The following RB1 variants were observed in gnomAD, a reference collection of about 807,000 sequenced individuals.
RB1 encodes RB transcriptional corepressor 1.
Under a neutral mutation model 135.4 loss-of-function variants are expected in RB1, and 18 were observed. That is an observed-to-expected ratio of 0.13 (90% CI 0.09 to 0.20). The LOEUF is 0.20. RB1 is among the 10% of genes least tolerant of loss of function. The pLI, the probability that RB1 is intolerant of heterozygous loss-of-function variation, is 1.00. For synonymous variants in RB1, 365 were observed against 373.2 expected, an observed-to-expected ratio of 0.98 and a Z score of 0.25; for missense variants, 868 against 1,110.0, an observed-to-expected ratio of 0.78 and a Z score of 3.10.
intron 6 of RB1, among the ~76,000 whole-genome samples, chr13:48,351,252 T>A (rs941214300): frequency 3.3e-5 from 5 of 152,184 alleles, no homozygotes; most frequent in African/African-American, 7.2e-5. Context: ...TCTGTTATTT[T>A]TTGACTTTAT....
intron 2 of RB1, chr13:48,317,170 C>A: frequency 1.6e-6 from 1 of 636,612 alleles, no homozygotes. Flanking sequence ...AAGGACGGGC[C>A]CTGTGGAGGC....
intron 17 of RB1, among the ~76,000 whole-genome samples, chr13:48,385,578 C>G (rs1219280517): frequency 6.6e-6 from 1 of 152,060 alleles, no homozygotes; most frequent in Non-Finnish European, 1.5e-5. Flanking sequence ...CTAGGGAAAC[C>G]TTGGCCACTG....
chr13:48,405,988 G>A (rs1948736356), intron 17 of RB1, among the ~76,000 whole-genome samples: 2 of 151,488 alleles, frequency 1.3e-5, no homozygotes, highest in Non-Finnish European at 2.9e-5. Context: ...CAGCTGCATA[G>A]TACTGTATTT....
At chr13:48,362,392 A>T (rs1182676682) in intron 7 of RB1, among the ~76,000 whole-genome samples, 2 of 152,030 alleles carry the variant, frequency 1.3e-5, no homozygotes, top group Non-Finnish European at 2.9e-5. Context: ...TTTTAAAGAC[A>T]TCATAATTTA....
intron 17 of RB1, among the ~76,000 whole-genome samples, chr13:48,395,635 A>T (rs761841539): frequency 4.6e-5 from 7 of 152,240 alleles, no homozygotes; most frequent in Middle Eastern, 3.4e-3. Context: ...GATATCAGAG[A>T]TTGAAGATCA....
At chr13:48,479,420 T>C (rs971040529) in intron 26 of RB1, among the ~76,000 whole-genome samples, 2 of 152,220 alleles carry the variant, frequency 1.3e-5, no homozygotes, top group Non-Finnish European at 2.9e-5. Flanking sequence ...CCACCTCATC[T>C]CTAGAATAGT....
At chr13:48,349,230 C>A (rs1952525223) in intron 6 of RB1, among the ~76,000 whole-genome samples, 1 of 151,688 alleles carries the variant, frequency 6.6e-6, no homozygotes, top group Admixed American at 6.6e-5. Context: ...TCTAATATTC[C>A]ATCTTCCCTC....
intron 17 of RB1, among the ~76,000 whole-genome samples, chr13:48,446,949 A>C (rs144483284): frequency 3.5e-4 from 54 of 152,342 alleles, no homozygotes; most frequent in East Asian, 3.1e-3. Flanking sequence ...CTCTATGAGG[A>C]CATCTAGGAG....
chr13:48,460,805 T>A (rs984267907), intron 20 of RB1, among the ~76,000 whole-genome samples: 3 of 151,904 alleles, frequency 2.0e-5, no homozygotes, highest in African/African-American at 7.3e-5. Flanking sequence ...TACAAAAAAT[T>A]TAAAAATTAG....
intron 17 of RB1, chr13:48,439,853 A>G (rs888010577): frequency 6.6e-6 from 1 of 152,184 alleles, no homozygotes. Flanking sequence ...CAATATTGCT[A>G]TTTAAGAAAG....
chr13:48,408,687 C>T (rs1285890558), intron 17 of RB1: 2 of 152,024 alleles, frequency 1.3e-5, no homozygotes, highest in Non-Finnish European at 2.9e-5. Flanking sequence ...TTCCATAGTT[C>T]TAGATGAGAA....
At chr13:48,413,435 G>T (rs1948853530) in intron 17 of RB1, among the ~76,000 whole-genome samples, 1 of 152,124 alleles carries the variant, frequency 6.6e-6, no homozygotes, top group South Asian at 2.1e-4. Context: ...TTTCGTGTTT[G>T]GGATATGACA....
In RB1 at chr13:48,465,105, C is replaced by T. The variant is rs2138345040; in HGVS notation, c.2319C>T (p.Ser773=). The change falls in exon 22 of 27, where the codon TCC becomes TCT. Residue 773 remains serine (S), a synonymous_variant. Coordinates refer to ENST00000267163, the MANE Select transcript of RB1 (RefSeq NM_000321.3). The stretch of plus-strand genomic sequence containing the variant: ...AAACAAATATTTTGCAGTATGCTTC[C>T]ACCAGGGTAGGTCAAAAGTATCCTT... ...RLKTNILQYA[S]TRPPTLSPIP... is the part of the protein sequence containing the mutation. 6.2e-7 allele frequency: 1 copy of T among 1,613,760 alleles called. No homozygotes were observed. Among genetic ancestry groups the T allele is most frequent in the Non-Finnish European group, 8.5e-7 (1 of 1,179,882 alleles).
rs902799683 is a variant in RB1 at position 48,382,777 on chromosome 13, T to C, written c.1695+1334T>C. 2.6e-5 allele frequency among the ~76,000 whole-genome samples: 4 copies of C among 152,338 alleles called. No individual in the cohort carries two copies. In the South Asian group the frequency reaches 8.3e-4, roughly 32 times the overall value. ...GTCATGAAGTCCTTGCCCATGCCGA[T>C]GTCCTGAATGGTATTGCCTAGGTTT... On this transcript the variant is annotated intron_variant, in intron 17 of 26. Transcript: ENST00000267163.
At chr13:48,466,561 T>G (rs1156333215) in intron 23 of RB1, among the ~76,000 whole-genome samples, 1 of 152,136 alleles carries the variant, frequency 6.6e-6, no homozygotes, top group African/African-American at 2.4e-5. Flanking sequence ...GGACGGAGAA[T>G]GACTTTGACG....
At chr13:48,465,472 C>A in intron 23 of RB1, 104 bp downstream of exon 23, 1 of 1,166,104 alleles carries the variant, frequency 8.6e-7, no homozygotes, top group Non-Finnish European at 1.3e-6. Context: ...AAGCTAGACT[C>A]TTGAAACTCT....
intron 17 of RB1, chr13:48,411,653 T>C: frequency 6.2e-7 from 1 of 1,611,534 alleles, no homozygotes; most frequent in Non-Finnish European, 8.5e-7. Context: ...CAAATGTTTG[T>C]GTTCTCACAA....
chr13:48,314,814 A>T, intron 2 of RB1, among the ~76,000 whole-genome samples: 1 of 152,014 alleles, frequency 6.6e-6, no homozygotes, highest in Non-Finnish European at 1.5e-5. Flanking sequence ...AAATCTATGT[A>T]TTTAACAAAA....
At chr13:48,332,098 C>A (rs1490149154) in intron 2 of RB1, among the ~76,000 whole-genome samples, 3 of 152,062 alleles carry the variant, frequency 2.0e-5, no homozygotes, top group African/African-American at 7.2e-5. Flanking sequence ...CGGATGAACC[C>A]GAAGGACATT....
Sources: allele counts gnomAD v4.1 joint callset (sites outside exome capture counted in the v4.1 genomes callset), GRCh38; gene constraint gnomAD v4.1.1; transcripts MANE v1.5; gene names NCBI Gene and HGNC (gene_info 2026-07-23, HGNC 2026-07-21).